Variants in NRXN1 observed in about 807,000 individuals in gnomAD.
The protein encoded by NRXN1 is neurexin-1.
NRXN1 carries 39 observed loss-of-function variants against 150.9 expected under a neutral mutation model. The observed-to-expected ratio is 0.26, with a 90% CI of 0.20 to 0.34. The LOEUF is 0.34. Ranked by LOEUF, NRXN1 falls within the 10% of genes least tolerant of loss-of-function variation. The pLI, the probability that NRXN1 is intolerant of heterozygous loss-of-function variation, is 1.00. For missense variants in NRXN1, 1,815 were observed against 1,949.9 expected (o/e 0.93, Z 1.30); for synonymous variants, 924 against 757.0 (o/e 1.22, Z -3.62).
chr2:50,248,099 A>T (rs377401552), intron 17 of NRXN1, among the ~76,000 whole-genome samples: 5 of 152,068 alleles, frequency 3.3e-5, no homozygotes, highest in African/African-American at 1.2e-4. Context: ...TGCAGCCTCA[A>T]ACACCTGGGC....
In NRXN1 at chr2:51,028,187, G is replaced by C; in HGVS notation, c.87C>G (p.Ser29Arg). Reference sequence around the variant, plus strand: ...CCTCGGCGCCCGGAAACTCCAGCCCGCTGCCCAGCTCCGCCCAGCAGCCCA... The same window carrying C: ...CCTCGGCGCCCGGAAACTCCAGCCCCCTGCCCAGCTCCGCCCAGCAGCCCA... The part of the protein sequence containing the change: ...LLLGCWAELG[S>R]GLEFPGAEGQ... Residue 29 changes from serine to arginine, a missense_variant, in exon 2 of 23, where the codon AGC becomes AGG. Around this residue, in one of 6 missense-constraint regions of NRXN1, gnomAD observed 554 missense variants for 478.8 expected, o/e 1.16. Coordinates refer to ENST00000401669, the MANE Select transcript of NRXN1 (RefSeq NM_001330078.2). The C allele has an allele frequency of 1.3e-6, 2 of 1,505,986 alleles. No individual in the cohort carries two copies. Among genetic ancestry groups the C allele is most frequent in the Non-Finnish European group, 1.8e-6 (2 of 1,132,144 alleles). The allele number at this position is 1,505,986 out of a possible 1,614,324, so 93.3% of individuals were successfully genotyped here.
chr2:50,981,063 A>T (rs1696705139), intron 2 of NRXN1, among the ~76,000 whole-genome samples: 1 of 152,138 alleles, frequency 6.6e-6, no homozygotes, highest in African/African-American at 2.4e-5. Context: ...CTCTTCTGTG[A>T]TCACCTATAA....
chr2:50,302,431 T>C (rs1329936292), intron 17 of NRXN1, among the ~76,000 whole-genome samples: 2 of 152,290 alleles, frequency 1.3e-5, no homozygotes, highest in Admixed American at 6.5e-5. Flanking sequence ...TCAAGATACA[T>C]TTTGTCAATC....
intron 18 of NRXN1, among the ~76,000 whole-genome samples, chr2:50,215,858 C>A (rs1400378109): frequency 6.6e-6 from 1 of 152,000 alleles, no homozygotes; most frequent in East Asian, 1.9e-4. Flanking sequence ...AACCATATAG[C>A]CTTATGCAAA....
intron 2 of NRXN1, among the ~76,000 whole-genome samples, chr2:51,005,472 G>T (rs966331363): frequency 3.3e-5 from 5 of 151,802 alleles, no homozygotes; most frequent in African/African-American, 1.2e-4. Context: ...AAATGAAAAA[G>T]AAATAAAATA....
intron 19 of NRXN1, among the ~76,000 whole-genome samples, chr2:50,086,865 G>A (rs750844784): frequency 2.7e-5 from 4 of 149,814 alleles, no homozygotes; most frequent in Non-Finnish European, 4.4e-5. Context: ...CCGAAAATGC[G>A]GGCATGTCTC....
intron 17 of NRXN1, among the ~76,000 whole-genome samples, chr2:50,440,872 T>A (rs2085891879): frequency 6.6e-6 from 1 of 152,200 alleles, no homozygotes; most frequent in African/African-American, 2.4e-5. Context: ...TCATTTGTTT[T>A]TGATATAAGA....
intron 5 of NRXN1, among the ~76,000 whole-genome samples, chr2:50,715,887 C>G (rs1213501090): frequency 6.6e-6 from 1 of 152,098 alleles, no homozygotes; most frequent in African/African-American, 2.4e-5. Context: ...CTTCTTTTTG[C>G]TGCCACTCAT....
intron 15 of NRXN1, among the ~76,000 whole-genome samples, chr2:50,485,706 G>A (rs2090821261): frequency 6.6e-6 from 1 of 152,224 alleles, no homozygotes; most frequent in Admixed American, 6.5e-5. Context: ...TGTGGTAAGA[G>A]TCTGTGAGGA....
chr2:50,387,364 A>C (rs921115911), intron 17 of NRXN1, among the ~76,000 whole-genome samples: 1 of 152,060 alleles, frequency 6.6e-6, no homozygotes, highest in African/African-American at 2.4e-5. Flanking sequence ...AAAAGGTAAA[A>C]TCCATTTCTA....
intron 21 of NRXN1, among the ~76,000 whole-genome samples, chr2:50,026,973 C>T (rs2152564509): frequency 6.8e-6 from 1 of 146,894 alleles, no homozygotes; most frequent in South Asian, 2.2e-4. Flanking sequence ...CCTCCGGCTC[C>T]CAGGTTCAAG....
At chr2:50,832,552 G>C (rs537148375) in intron 5 of NRXN1, among the ~76,000 whole-genome samples, 1 of 152,238 alleles carries the variant, frequency 6.6e-6, no homozygotes, top group Admixed American at 6.5e-5. Context: ...ACTCCAGAGG[G>C]TGAGGCAGGG....
chr2:50,458,876 G>A (rs1450514277), intron 17 of NRXN1, among the ~76,000 whole-genome samples: 1 of 151,804 alleles, frequency 6.6e-6, no homozygotes, highest in Non-Finnish European at 1.5e-5. Flanking sequence ...CACTGTGCCC[G>A]GCATAAAATT....
intron 17 of NRXN1, among the ~76,000 whole-genome samples, chr2:50,384,500 C>A: frequency 1.1e-5 from 1 of 90,598 alleles, no homozygotes; most frequent in Admixed American, 1.5e-4. Flanking sequence ...AGCAAGACTC[C>A]ATCTCAAAAA....
chr2:50,795,935 G>A lies in NRXN1; in HGVS notation c.832+125934C>T, dbSNP rs1574501543. Among the ~76,000 whole-genome samples the A allele has an allele frequency of 2.0e-5, 3 of 152,042 alleles. No individual in the cohort carries two copies. In the South Asian group the frequency reaches 6.2e-4, roughly 32 times the overall value. ...TTAGCCCAATAATGTACTGAGTCAG[G>A]GGCTGCAAAGCAGTATTTCATCACG... On this transcript the variant is annotated intron_variant, in intron 5 of 22. Transcript: ENST00000401669.
At chr2:50,439,788 G>T (rs1381401573) in intron 17 of NRXN1, among the ~76,000 whole-genome samples, 1 of 150,186 alleles carries the variant, frequency 6.7e-6, no homozygotes, top group Non-Finnish European at 1.5e-5. Flanking sequence ...CTGCACTCCA[G>T]CCTGGGCAAC....
chr2:50,781,054 G>C (rs1417096707), intron 5 of NRXN1, among the ~76,000 whole-genome samples: 1 of 152,174 alleles, frequency 6.6e-6, no homozygotes, highest in African/African-American at 2.4e-5. Context: ...CTAGGCCAGA[G>C]ATGAAGTTCA....
intron 5 of NRXN1, among the ~76,000 whole-genome samples, chr2:50,694,888 C>T (rs1307960812): frequency 6.6e-6 from 1 of 152,086 alleles, no homozygotes; most frequent in Non-Finnish European, 1.5e-5. Flanking sequence ...GCGGGGTATT[C>T]TCTTGATTGG....
intron 17 of NRXN1, among the ~76,000 whole-genome samples, chr2:50,345,302 T>C (rs905411133): frequency 2.0e-5 from 3 of 152,122 alleles, no homozygotes; most frequent in Admixed American, 1.3e-4. Flanking sequence ...GATTATGCTA[T>C]AGTTTTTCAT....
Sources: gnomAD v4.1 joint callset for allele counts (sites outside exome capture counted in the v4.1 genomes callset) on GRCh38, gnomAD v4.1.1 for gene constraint, gnomAD v4.1.1 regional missense constraint, MANE v1.5 for transcripts, NCBI Gene and HGNC (gene_info 2026-07-23, HGNC 2026-07-21) for gene names.